TBC1D14: variants seen among roughly 807,000 people sequenced by gnomAD.
TBC1D14 encodes the protein TBC1 domain family, member 14.
A neutral mutation model predicts 79.0 loss-of-function variants in TBC1D14; 26 were observed. That is an observed-to-expected ratio of 0.33 (90% CI 0.24 to 0.46). The LOEUF is 0.46. Ranked by LOEUF, TBC1D14 falls within the 20% of genes least tolerant of loss-of-function variation. TBC1D14 has a pLI of 1.00. For missense variants in TBC1D14, 769 were observed against 887.6 expected (o/e 0.87, Z 1.70); for synonymous variants, 394 against 349.9 (o/e 1.13, Z -1.40).
intron 2 of TBC1D14, among the ~76,000 whole-genome samples, chr4:6,964,803 A>G (rs1462116001): frequency 6.6e-6 from 1 of 152,168 alleles, no homozygotes; most frequent in Non-Finnish European, 1.5e-5. Flanking sequence ...TATTTTTTTG[A>G]AAGTTTCTGT....
At chr4:6,992,601 C>T (rs1431484901) in intron 3 of TBC1D14, among the ~76,000 whole-genome samples, 4 of 152,230 alleles carry the variant, frequency 2.6e-5, no homozygotes, top group Non-Finnish European at 5.9e-5. Context: ...CCAGGCTCAG[C>T]AGATAAGTAG....
intron 3 of TBC1D14, among the ~76,000 whole-genome samples, chr4:6,991,398 G>C (rs1330567679): frequency 6.6e-6 from 1 of 152,212 alleles, no homozygotes; most frequent in African/African-American, 2.4e-5. Context: ...TGCCCGCCGG[G>C]TAAGTCACGG....
At chr4:7,020,889 C>G (rs909399604) in intron 12 of TBC1D14, among the ~76,000 whole-genome samples, 3 of 152,134 alleles carry the variant, frequency 2.0e-5, no homozygotes, top group African/African-American at 7.2e-5. Context: ...TTGTACTGTC[C>G]TCCTCTGTAA....
chr4:6,936,886 A>G (rs1226176299), intron 2 of TBC1D14, among the ~76,000 whole-genome samples: 1 of 149,968 alleles, frequency 6.7e-6, no homozygotes, highest in Non-Finnish European at 1.5e-5. Context: ...TGGGTGTCTT[A>G]GTCCGTTTGA....
At chr4:6,943,080 C>A (rs1057464009) in intron 2 of TBC1D14, among the ~76,000 whole-genome samples, 1 of 152,194 alleles carries the variant, frequency 6.6e-6, no homozygotes, top group Non-Finnish European at 1.5e-5. Flanking sequence ...GTGGCCCCAT[C>A]GTTTTCAGCA....
At chr4:6,994,883 A>C (rs528642906) in intron 4 of TBC1D14, among the ~76,000 whole-genome samples, 12 of 150,516 alleles carry the variant, frequency 8.0e-5, no homozygotes, top group Admixed American at 7.9e-4. Context: ...AAAAAAAAAG[A>C]AGCAGTGTGT....
intron 1 of TBC1D14, among the ~76,000 whole-genome samples, chr4:6,918,848 G>A (rs898891491): frequency 1.3e-5 from 2 of 152,314 alleles, no homozygotes; most frequent in Middle Eastern, 3.4e-3. Flanking sequence ...TAATTAAAGT[G>A]TATGTAGAAC....
intron 2 of TBC1D14, among the ~76,000 whole-genome samples, chr4:6,930,435 C>T (rs569335950): frequency 2.9e-4 from 44 of 152,228 alleles, no homozygotes; most frequent in Non-Finnish European, 5.7e-4. Flanking sequence ...GGCCTTGAGC[C>T]AGAGAGAAGC....
In TBC1D14 at chr4:6,923,800, G is replaced by A. The variant is rs746160356; in HGVS notation, c.411G>A (p.Ser137=). 9.9e-6 allele frequency: 16 copies of A among 1,614,024 alleles called. No homozygotes were observed. In the Admixed American group the frequency reaches 1.5e-4, roughly 15 times the overall value. The change falls in exon 2 of 14, where the codon TCG becomes TCA. Residue 137 remains serine, a synonymous_variant. Transcript: ENST00000409757. ...SSTFPRTGYD[S]VKLYSPTSKA... Reference sequence around the variant, plus strand: ...CGTTTCCCAGGACAGGCTATGACTCGGTAAAGCTCTATAGCCCGACCTCCA... The same window carrying A: ...CGTTTCCCAGGACAGGCTATGACTCAGTAAAGCTCTATAGCCCGACCTCCA...
rs150366946 is a variant in TBC1D14 at position 6,923,995 on chromosome 4, C to G, written c.606C>G (p.Asn202Lys). The G allele has an allele frequency of 2.5e-6, 4 of 1,614,146 alleles. No individual in the cohort carries two copies. In the South Asian group the frequency reaches 4.4e-5, roughly 18 times the overall value. The stretch of plus-strand genomic sequence containing the variant: ...ATGACGATGACCCACAGTTTACCAA[C>G]GTCACCTTGAGCTCTATCAAGGAAA... Reference protein sequence around the residue: ...LENDDDPQFTNVTLSSIKETR... With the variant: ...LENDDDPQFTKVTLSSIKETR... Residue 202 changes from asparagine (N) to lysine (K), a missense_variant, in exon 2 of 14, where the codon AAC becomes AAG. Asn to Lys is a moderately conservative substitution (Grantham distance 94, BLOSUM62 0). Around this residue, in one of 2 missense-constraint regions of TBC1D14, gnomAD observed 402 missense variants for 393.2 expected, o/e 1.02. Transcript: ENST00000409757.
intron 1 of TBC1D14, among the ~76,000 whole-genome samples, chr4:6,919,322 T>G (rs1359088915): frequency 6.6e-6 from 1 of 151,940 alleles, no homozygotes. Context: ...AATTTTGTAT[T>G]TTTAGTAGAG....
intron 4 of TBC1D14, 41 bp downstream of exon 4, chr4:6,994,343 A>G: frequency 1.9e-6 from 3 of 1,565,484 alleles, no homozygotes; most frequent in Non-Finnish European, 2.6e-6. Flanking sequence ...TTGCTTTAGG[A>G]AATAAGTACA....
At chr4:6,921,105 A>G (rs1168934733) in intron 1 of TBC1D14, among the ~76,000 whole-genome samples, 3 of 152,174 alleles carry the variant, frequency 2.0e-5, no homozygotes, top group African/African-American at 4.8e-5. Context: ...AAAAGATAGC[A>G]GTTGATGCCA....
chr4:7,002,228 T>C (rs1280110291), intron 7 of TBC1D14, among the ~76,000 whole-genome samples: 1 of 152,190 alleles, frequency 6.6e-6, no homozygotes, highest in Non-Finnish European at 1.5e-5. Flanking sequence ...CTTGGCTAAA[T>C]CCATACCTAC....
intron 3 of TBC1D14, among the ~76,000 whole-genome samples, chr4:6,969,057 G>A (rs1715982761): frequency 6.6e-6 from 1 of 152,196 alleles, no homozygotes; most frequent in South Asian, 2.1e-4. Flanking sequence ...CGCGTCGGCA[G>A]GTTAAATTTG....
In TBC1D14 at chr4:6,995,897, C is replaced by T. The variant is rs1718986748; in HGVS notation, c.963-428C>T. The T allele has an allele frequency of 2.4e-5, 4 of 165,894 alleles. No homozygotes were observed. The South Asian group carries it at 4.0e-4, about 17-fold the overall frequency. The allele number at this position is 165,894 out of a possible 1,614,324, so 10.3% of individuals were successfully genotyped here. A position where few individuals can be genotyped will look rare whatever the true frequency, so the allele number is the denominator to read the frequency against. On this transcript the variant is annotated intron_variant, in intron 4 of 13. Coordinates refer to ENST00000409757, the MANE Select transcript of TBC1D14 (RefSeq NM_020773.3). ...TGTCGCCCAGGCTGGAGTGCAGTGGCGCGATCTCAGCTCACTGCAAGCTCC... is the reference window on the plus strand; with the variant it reads ...TGTCGCCCAGGCTGGAGTGCAGTGGTGCGATCTCAGCTCACTGCAAGCTCC...
chr4:7,009,041 C>T (rs1720492945), intron 9 of TBC1D14, among the ~76,000 whole-genome samples: 1 of 152,192 alleles, frequency 6.6e-6, no homozygotes, highest in Non-Finnish European at 1.5e-5. Context: ...TAGCTCTTTT[C>T]ACATGCTAGA....
intron 13 of TBC1D14, among the ~76,000 whole-genome samples, chr4:7,029,752 G>T (rs1289757470): frequency 3.3e-5 from 5 of 152,182 alleles, no homozygotes; most frequent in Non-Finnish European, 7.3e-5. Context: ...TTGAACCCGG[G>T]GGTCAGAGAT....
chr4:6,979,198 G>T (rs1717129787), intron 3 of TBC1D14, among the ~76,000 whole-genome samples: 1 of 152,096 alleles, frequency 6.6e-6, no homozygotes, highest in South Asian at 2.1e-4. Flanking sequence ...AGAAGACATG[G>T]AGGAAGAAAA....
Sources: allele counts gnomAD v4.1 joint callset (sites outside exome capture counted in the v4.1 genomes callset), GRCh38; gene constraint gnomAD v4.1.1; regional missense constraint gnomAD v4.1.1; transcripts MANE v1.5; gene names NCBI Gene and HGNC (gene_info 2026-07-23, HGNC 2026-07-21).